MECOM: variants seen among roughly 807,000 people sequenced by gnomAD.
MECOM encodes histone-lysine N-methyltransferase MECOM.
In MECOM, 13 loss-of-function variants were observed where a neutral mutation model predicts 116.3. The ratio of observed to expected loss-of-function variants is 0.11; its 90% CI spans 0.07 to 0.18. MECOM has a LOEUF of 0.18. Ranked by LOEUF, MECOM falls within the 10% of genes least tolerant of loss-of-function variation. The pLI is 1.00. For missense variants in MECOM, 1,299 were observed against 1,509.0 expected, an observed-to-expected ratio of 0.86 and a Z score of 2.31; for synonymous variants, 528 against 535.2, an observed-to-expected ratio of 0.99 and a Z score of 0.19.
intron 1 of MECOM, among the ~76,000 whole-genome samples, chr3:169,636,540 G>A (rs1007635360): frequency 1.3e-5 from 2 of 152,180 alleles, no homozygotes; most frequent in Admixed American, 1.3e-4. Context: ...CTAAGGGTCA[G>A]ATGAACTTCT....
At chr3:169,581,205 C>T (rs138468617) in intron 1 of MECOM, among the ~76,000 whole-genome samples, 1 of 152,160 alleles carries the variant, frequency 6.6e-6, no homozygotes, top group Non-Finnish European at 1.5e-5. Flanking sequence ...CTCTGATATT[C>T]CATATTGTCC....
chr3:169,615,169 T>C (rs1577119325), intron 1 of MECOM, among the ~76,000 whole-genome samples: 1 of 152,184 alleles, frequency 6.6e-6, no homozygotes, highest in African/African-American at 2.4e-5. Flanking sequence ...TAGAGAGATG[T>C]TGGAAATAGT....
intron 2 of MECOM, chr3:169,147,379 G>C: frequency 7.1e-6 from 7 of 985,496 alleles, no homozygotes; most frequent in Non-Finnish European, 8.4e-6. Context: ...TCTATTTCAT[G>C]AACTGTCTCT....
chr3:169,318,657 T>C (rs918005694), intron 2 of MECOM, among the ~76,000 whole-genome samples: 1 of 152,196 alleles, frequency 6.6e-6, no homozygotes, highest in Non-Finnish European at 1.5e-5. Flanking sequence ...GGAATGCTTT[T>C]ACACTGTTGA....
intron 1 of MECOM, among the ~76,000 whole-genome samples, chr3:169,519,948 A>T (rs1023234946): frequency 3.9e-5 from 6 of 152,222 alleles, no homozygotes; most frequent in African/African-American, 1.2e-4. Flanking sequence ...TGGCCAATAG[A>T]AGCATTTCAT....
chr3:169,248,737 G>T (rs1413457853), intron 2 of MECOM, among the ~76,000 whole-genome samples: 1 of 152,150 alleles, frequency 6.6e-6, no homozygotes, highest in Non-Finnish European at 1.5e-5. Context: ...GAAGAGAAAT[G>T]TTGGAAACAC....
chr3:169,276,991 TTA>T (rs1197601397), intron 2 of MECOM, among the ~76,000 whole-genome samples: 10 of 141,654 alleles, frequency 7.1e-5, no homozygotes, highest in Non-Finnish European at 1.3e-4. Context: ...ATGAGCTAAT[TTA>T]TGTTACACAC....
chr3:169,414,740 A>G (rs576661339), intron 1 of MECOM, among the ~76,000 whole-genome samples: 2 of 152,320 alleles, frequency 1.3e-5, no homozygotes, highest in South Asian at 2.1e-4. Context: ...TGAAGCATAC[A>G]TAGTATCAAT....
chr3:169,482,128 C>T (rs1483160568), intron 1 of MECOM, among the ~76,000 whole-genome samples: 1 of 151,822 alleles, frequency 6.6e-6, no homozygotes, highest in Non-Finnish European at 1.5e-5. Flanking sequence ...GTTTCTTTTA[C>T]CTCCACCACG....
At chr3:169,119,912 T>C (rs529321353) in intron 7 of MECOM, among the ~76,000 whole-genome samples, 16 of 152,210 alleles carry the variant, frequency 1.1e-4, no homozygotes, top group African/African-American at 3.9e-4. Flanking sequence ...AGGACTCTAG[T>C]GTAAGCTGGA....
rs997035499 is a variant in MECOM at position 169,381,232 on chromosome 3, C to T, written c.330G>A (p.Val110=). The T allele has an allele frequency of 1.4e-5, 23 of 1,613,034 alleles. No homozygotes were observed. In the African/African-American group the frequency reaches 2.7e-4, roughly 19 times the overall value. The change falls in exon 2 of 17, where the codon GTG becomes GTA. Residue 110 remains valine (V), a synonymous_variant. Coordinates refer to ENST00000651503, the MANE Select transcript of MECOM (RefSeq NM_004991.4). ...CTTTCAGGTTTGACCTCTGCTCTCCCACATAAGGCCCAAACTTTTCACCTA... is the reference window on the plus strand; with the variant it reads ...CTTTCAGGTTTGACCTCTGCTCTCCTACATAAGGCCCAAACTTTTCACCTA... ...IEVGEKFGPY[V]GEQRSNLKDP...
chr3:169,655,235 A>C (rs1163052358), intron 1 of MECOM, among the ~76,000 whole-genome samples: 1 of 152,080 alleles, frequency 6.6e-6, no homozygotes, highest in Admixed American at 6.5e-5. Flanking sequence ...TCTTGTTCTG[A>C]AATACAAAGG....
At chr3:169,123,751 T>C (rs1731861784) in intron 5 of MECOM, among the ~76,000 whole-genome samples, 1 of 152,082 alleles carries the variant, frequency 6.6e-6, no homozygotes, top group Non-Finnish European at 1.5e-5. Flanking sequence ...GCAAGCAATT[T>C]ATAGATAATA....
chr3:169,449,674 C>T (rs16853757), intron 1 of MECOM, among the ~76,000 whole-genome samples: 2,498 of 152,100 alleles, frequency 0.016, 71 homozygotes, highest in African/African-American at 0.058. Flanking sequence ...GGTGAGGTGG[C>T]GGTAAGCTAT....
chr3:169,134,246 A>G (rs932642171), intron 3 of MECOM, among the ~76,000 whole-genome samples: 1 of 152,206 alleles, frequency 6.6e-6, no homozygotes, highest in African/African-American at 2.4e-5. Context: ...CACTGTAACT[A>G]TATATTATAA....
At chr3:169,643,065 A>G (rs1436191262) in intron 1 of MECOM, among the ~76,000 whole-genome samples, 1 of 152,224 alleles carries the variant, frequency 6.6e-6, no homozygotes, top group East Asian at 1.9e-4. Flanking sequence ...ACAAATGGTT[A>G]CTGCAACTGG....
chr3:169,152,049 C>A (rs1165764694), intron 2 of MECOM, among the ~76,000 whole-genome samples: 1 of 152,064 alleles, frequency 6.6e-6, no homozygotes, highest in Non-Finnish European at 1.5e-5. Flanking sequence ...AAGTATTTTG[C>A]AAGCTTTGTT....
At chr3:169,610,146 T>G (rs1769071049) in intron 1 of MECOM, among the ~76,000 whole-genome samples, 1 of 152,222 alleles carries the variant, frequency 6.6e-6, no homozygotes, top group African/African-American at 2.4e-5. Context: ...TTTTATATTT[T>G]TATATTACTA....
chr3:169,594,714 A>C (rs559534956), intron 1 of MECOM, among the ~76,000 whole-genome samples: 6 of 151,870 alleles, frequency 4.0e-5, no homozygotes, highest in African/African-American at 1.4e-4. Context: ...CATTTCACAC[A>C]GCTGGCTTTC....
Sources: gnomAD v4.1 joint callset for allele counts (sites outside exome capture counted in the v4.1 genomes callset) on GRCh38, gnomAD v4.1.1 for gene constraint, MANE v1.5 for transcripts, NCBI Gene and HGNC (gene_info 2026-07-23, HGNC 2026-07-21) for gene names.